Variants in GRHL2 observed in about 807,000 individuals in gnomAD.
GRHL2 encodes grainyhead like transcription factor 2, also known as grainyhead-like protein 2 homolog.
GRHL2 carries 21 observed loss-of-function variants against 83.8 expected under a neutral mutation model. That is an observed-to-expected ratio of 0.25 (90% confidence interval 0.18 to 0.36). The LOEUF (loss-of-function observed/expected upper bound fraction) is 0.36, where lower values mean the gene tolerates loss of function less well. Ranked by LOEUF, GRHL2 falls within the 10% of genes least tolerant of loss-of-function variation. GRHL2 has a pLI of 1.00. For synonymous variants in GRHL2, 280 were observed against 278.9 expected (o/e 1.00, Z -0.04); for missense variants, 623 against 781.8 (o/e 0.80, Z 2.42).
intron 14 of GRHL2, among the ~76,000 whole-genome samples, chr8:101,659,476 T>C (rs1813871292): frequency 6.6e-6 from 1 of 152,134 alleles, no homozygotes; most frequent in Non-Finnish European, 1.5e-5. Flanking sequence ...CCTTCAAGGA[T>C]TTTTTCCAGT....
At position 101,644,505 on chromosome 8, in the gene GRHL2, G is replaced by A. The variant is rs536332244; in HGVS notation, c.1612+280G>A. ...AGCAGCAAGGTACAAGGTTAAGAAC[G>A]AAACTCTTGCTGCGTGTGTGGACAG... is the stretch of plus-strand genomic sequence containing the variant. On this transcript the variant is annotated intron_variant, in intron 13 of 15. Coordinates refer to ENST00000646743, the MANE Select transcript of GRHL2 (RefSeq NM_024915.4). Among the ~76,000 whole-genome samples the A allele has an allele frequency of 5.3e-5, 8 of 152,340 alleles. No homozygotes were observed. In the South Asian group the frequency reaches 6.2e-4, roughly 12 times the overall value.
intron 1 of GRHL2, among the ~76,000 whole-genome samples, chr8:101,539,574 C>T (rs966839251): frequency 1.3e-5 from 2 of 152,142 alleles, no homozygotes; most frequent in Non-Finnish European, 2.9e-5. Context: ...CATATCCTGT[C>T]TCCAAATCCA....
intron 8 of GRHL2, among the ~76,000 whole-genome samples, chr8:101,616,003 G>A (rs1021755396): frequency 2.0e-5 from 3 of 151,694 alleles, no homozygotes; most frequent in Non-Finnish European, 1.5e-5. Flanking sequence ...ATCGGACATA[G>A]CATTTTTTCT....
downstream of GRHL2, among the ~76,000 whole-genome samples, chr8:101,673,317 C>T (rs1286780787): frequency 6.6e-6 from 1 of 152,014 alleles, no homozygotes; most frequent in Non-Finnish European, 1.5e-5. Flanking sequence ...ATCTCACGTG[C>T]AGAGACACAC....
chr8:101,675,467 A>C, the GRHL2 span, among the ~76,000 whole-genome samples: 1 of 151,974 alleles, frequency 6.6e-6, no homozygotes, highest in Non-Finnish European at 1.5e-5. Context: ...CAACTGCTTC[A>C]GAGAGAATAA....
intron 2 of GRHL2, among the ~76,000 whole-genome samples, chr8:101,551,231 T>G (rs974184323): frequency 2.6e-5 from 4 of 152,244 alleles, no homozygotes; most frequent in Admixed American, 6.5e-5. Flanking sequence ...TATTTTTTAT[T>G]AACAAATATA....
intron 11 of GRHL2, 44 bp from the exon 12 acceptor site, chr8:101,636,853 T>G: frequency 6.3e-7 from 1 of 1,589,074 alleles, no homozygotes; most frequent in Non-Finnish European, 8.6e-7. Flanking sequence ...TTTTTTCCAT[T>G]TCTTGTCTCT....
At chr8:101,649,299 G>T in intron 13 of GRHL2, 115 bp from the exon 14 acceptor site, 1 of 779,824 alleles carries the variant, frequency 1.3e-6, no homozygotes. Flanking sequence ...AGGGTTCTGA[G>T]GCTTCGCAGG....
chr8:101,616,446 C>T (rs1161156218), intron 8 of GRHL2, among the ~76,000 whole-genome samples: 1 of 152,196 alleles, frequency 6.6e-6, no homozygotes, highest in Admixed American at 6.5e-5. Flanking sequence ...GCTGGGATTA[C>T]AGGTGTGAGC....
At chr8:101,584,903 G>C (rs927202661) in intron 7 of GRHL2, among the ~76,000 whole-genome samples, 5 of 152,116 alleles carry the variant, frequency 3.3e-5, no homozygotes, top group African/African-American at 1.2e-4. Context: ...AGGTGGTCAA[G>C]TGGCCAGGTA....
chr8:101,500,429 C>A (rs983653694), intron 1 of GRHL2, among the ~76,000 whole-genome samples: 1 of 152,080 alleles, frequency 6.6e-6, no homozygotes, highest in African/African-American at 2.4e-5. Flanking sequence ...TTTTCCATTA[C>A]CAGGAGAGCA....
chr8:101,565,878 G>T (rs530536790), intron 4 of GRHL2, among the ~76,000 whole-genome samples: 2 of 152,296 alleles, frequency 1.3e-5, no homozygotes, highest in Non-Finnish European at 2.9e-5. Flanking sequence ...AACATAGTTT[G>T]CAGAGCATCT....
intron 1 of GRHL2, among the ~76,000 whole-genome samples, chr8:101,521,108 G>A (rs1267070566): frequency 6.6e-6 from 1 of 152,198 alleles, no homozygotes; most frequent in Non-Finnish European, 1.5e-5. Flanking sequence ...GGCAAAGTGG[G>A]GGAACTGTCA....
intron 8 of GRHL2, among the ~76,000 whole-genome samples, chr8:101,619,208 A>G (rs1812914572): frequency 1.3e-5 from 2 of 152,090 alleles, no homozygotes; most frequent in Admixed American, 1.3e-4. Flanking sequence ...AGCTGAGATC[A>G]CGCCACTGCA....
chr8:101,514,881 A>G (rs1810537334), intron 1 of GRHL2, among the ~76,000 whole-genome samples: 1 of 142,100 alleles, frequency 7.0e-6, no homozygotes, highest in Admixed American at 7.0e-5. Context: ...TTCCTCCTCT[A>G]CTCTCTGTCC....
At chr8:101,644,439 C>T (rs1445979534) in intron 13 of GRHL2, among the ~76,000 whole-genome samples, 4 of 152,206 alleles carry the variant, frequency 2.6e-5, no homozygotes, top group African/African-American at 4.8e-5. Context: ...CTGGTTCTTT[C>T]CTTTGCCTTG....
intron 3 of GRHL2, among the ~76,000 whole-genome samples, chr8:101,556,480 G>A: frequency 6.6e-6 from 1 of 152,170 alleles, no homozygotes; most frequent in Non-Finnish European, 1.5e-5. Context: ...AAATCATTTT[G>A]CTGTCAACAA....
In GRHL2 at chr8:101,543,285, C is replaced by CA. The variant is rs1563572606; in HGVS notation, c.66dup (p.Phe23IlefsTer10). 1 of 1,614,058 alleles carries CA rather than the reference C, an allele frequency of 6.2e-7. No homozygotes were observed. Among genetic ancestry groups the CA allele is most frequent in the Non-Finnish European group, 8.5e-7 (1 of 1,179,968 alleles). ...TTAGTGCCCATGCCCAGTGACCCTC[C>CA]ATTCAATACCCGAAGAGCCTACACC... On this transcript the variant is annotated frameshift_variant, in exon 2 of 16. Transcript: ENST00000646743. LOFTEE classifies it high-confidence loss of function.
rs11295472 is a variant in GRHL2 at position 101,507,770 on chromosome 8, C to CT, written c.20+15006dup. ...AAGGTCAATACTTGAATGATTATCC[C>CT]TTTTTTTTTTTTTTTTTTTTTTTTT... On this transcript the variant is annotated intron_variant, in intron 1 of 15. Transcript: ENST00000646743. Among the ~76,000 whole-genome samples the CT allele has an allele frequency of 6.3e-3, 420 of 66,294 alleles. 1 individual carries two copies. The highest frequency in any genetic ancestry group is 0.022 in the African/African-American group (346 of 15,850). The allele number at this position is 66,294 out of a possible 152,430, so 43.5% of individuals were successfully genotyped here.
Sources: gnomAD v4.1 joint callset for allele counts (sites outside exome capture counted in the v4.1 genomes callset) on GRCh38, gnomAD v4.1.1 for gene constraint, MANE v1.5 for transcripts, NCBI Gene and HGNC (gene_info 2026-07-23, HGNC 2026-07-21) for gene names.